Variants in GRAMD1B observed in about 807,000 individuals in gnomAD.
The protein encoded by GRAMD1B is GRAM domain containing 1B.
In GRAMD1B, 37 loss-of-function variants were observed where a neutral mutation model predicts 99.7. The observed-to-expected ratio is 0.37, with a 90% confidence interval of 0.29 to 0.49. The LOEUF is 0.49. Ranked by LOEUF, GRAMD1B falls within the 20% of genes least tolerant of loss-of-function variation. The pLI is 0.98. For synonymous variants in GRAMD1B, 427 were observed against 387.6 expected (o/e 1.10, Z -1.19); for missense variants, 888 against 1,009.2 (o/e 0.88, Z 1.63).
chr11:123,455,891 C>T (rs1173953159), intron 1 of GRAMD1B, among the ~76,000 whole-genome samples: 3 of 152,046 alleles, frequency 2.0e-5, no homozygotes, highest in Non-Finnish European at 2.9e-5. Flanking sequence ...TCAACCAGGC[C>T]GGGTGGGGTG....
At chr11:123,516,598 A>G (rs960505659) in intron 2 of GRAMD1B, among the ~76,000 whole-genome samples, 2 of 152,210 alleles carry the variant, frequency 1.3e-5, no homozygotes, top group African/African-American at 2.4e-5. Flanking sequence ...AGACCAGACT[A>G]ATCAAGAAAT....
chr11:123,418,829 C>T (rs771303744), intron 1 of GRAMD1B, among the ~76,000 whole-genome samples: 3 of 152,170 alleles, frequency 2.0e-5, no homozygotes, highest in Non-Finnish European at 2.9e-5. Flanking sequence ...CCTTGTCCTC[C>T]CCTGTCCCTC....
chr11:123,566,896 C>T (rs1185429469), intron 2 of GRAMD1B, among the ~76,000 whole-genome samples: 4 of 152,194 alleles, frequency 2.6e-5, no homozygotes, highest in South Asian at 2.1e-4. Flanking sequence ...GGCCCCAGCC[C>T]CCATGGAGTG....
chr11:123,574,699 G>A (rs1440584315), intron 2 of GRAMD1B, among the ~76,000 whole-genome samples: 3 of 152,138 alleles, frequency 2.0e-5, no homozygotes, highest in Non-Finnish European at 2.9e-5. Flanking sequence ...GTTCAGTGTG[G>A]GGCACTCATG....
chr11:123,476,701 T>C (rs1852201663), intron 1 of GRAMD1B, among the ~76,000 whole-genome samples: 1 of 152,254 alleles, frequency 6.6e-6, no homozygotes, highest in Admixed American at 6.5e-5. Context: ...AGAGACCTTG[T>C]CCTGATCATC....
chr11:123,410,597 T>C (rs1198693970), intron 1 of GRAMD1B, among the ~76,000 whole-genome samples: 2 of 152,122 alleles, frequency 1.3e-5, no homozygotes, highest in African/African-American at 4.8e-5. Flanking sequence ...CACCCGCCAG[T>C]AGCACCTGCA....
intron 1 of GRAMD1B, among the ~76,000 whole-genome samples, chr11:123,391,159 A>G (rs1257949125): frequency 6.6e-6 from 1 of 152,172 alleles, no homozygotes; most frequent in Non-Finnish European, 1.5e-5. Context: ...CCTCAAGCCC[A>G]TAATCCCGCC....
chr11:123,585,408 C>T (rs947539774), intron 4 of GRAMD1B, among the ~76,000 whole-genome samples: 4 of 152,208 alleles, frequency 2.6e-5, no homozygotes, highest in African/African-American at 7.2e-5. Flanking sequence ...CTGCCAACAT[C>T]CTGCTGCCCA....
chr11:123,598,682 A>G, intron 7 of GRAMD1B: 3 of 1,046,932 alleles, frequency 2.9e-6, no homozygotes, highest in Middle Eastern at 2.3e-4. Flanking sequence ...CCAAACCCAG[A>G]GAGGCCAACT....
chr11:123,545,622 A>G (rs1336415877), intron 2 of GRAMD1B, among the ~76,000 whole-genome samples: 1 of 152,206 alleles, frequency 6.6e-6, no homozygotes, highest in Non-Finnish European at 1.5e-5. Flanking sequence ...CACCTCTAAA[A>G]TAGGCTTATG....
chr11:123,415,091 C>CTTT (rs1948184246), intron 1 of GRAMD1B, among the ~76,000 whole-genome samples: 1 of 96,558 alleles, frequency 1.0e-5, no homozygotes, highest in South Asian at 3.5e-4. Context: ...TTTTCTTTTT[C>CTTT]TTTCTTTTTT....
chr11:123,417,762 C>A (rs763296223), intron 1 of GRAMD1B, among the ~76,000 whole-genome samples: 1 of 151,980 alleles, frequency 6.6e-6, no homozygotes, highest in African/African-American at 2.4e-5. Flanking sequence ...CATGGAGAAA[C>A]CCTGTCTGCA....
At chr11:123,596,757 A>T (rs1473697438) in intron 7 of GRAMD1B, among the ~76,000 whole-genome samples, 3 of 152,240 alleles carry the variant, frequency 2.0e-5, no homozygotes, top group African/African-American at 7.2e-5. Flanking sequence ...ATTAAAAAAC[A>T]ATTGAAGGCC....
At chr11:123,388,732 G>A (rs73023747) in intron 1 of GRAMD1B, among the ~76,000 whole-genome samples, 65 of 151,696 alleles carry the variant, frequency 4.3e-4, no homozygotes, top group Non-Finnish European at 7.6e-4. Context: ...AGGTCAGAGG[G>A]AGCTTTTTTG....
intron 1 of GRAMD1B, among the ~76,000 whole-genome samples, chr11:123,442,404 G>C (rs1949450673): frequency 1.3e-5 from 2 of 152,226 alleles, no homozygotes. Flanking sequence ...CCCAAAGAGA[G>C]TGTTCTTGGA....
Position 123,623,010 on chromosome 11 carries a change from C to T in GRAMD1B, c.*415C>T, listed in dbSNP as rs952797907. On this transcript the variant is annotated 3_prime_UTR_variant, in exon 20 of 20. Coordinates refer to ENST00000635736, the MANE Select transcript of GRAMD1B (RefSeq NM_001387025.1). ...GCTTAAGGTGCTTCATTCCCTAATC[C>T]CCTTTTGATTTGTTTCCAAAATAAA... is the stretch of plus-strand genomic sequence containing the variant. 3.9e-5 allele frequency: 6 copies of T among 152,166 alleles called. No individual in the cohort carries two copies. Among genetic ancestry groups the T allele is most frequent in the African/African-American group, 1.4e-4 (6 of 41,426 alleles). 9.4% of individuals were successfully genotyped at this position (152,166 alleles called of 1,614,324 possible).
At position 123,627,347 on chromosome 11, in the gene GRAMD1B, A is replaced by G. The variant is rs962020132; in HGVS notation, c.*4752A>G. On this transcript the variant is annotated 3_prime_UTR_variant, in exon 20 of 20. Transcript: ENST00000635736. The stretch of plus-strand genomic sequence containing the variant: ...CCAACAATAGCTTGTGGCTCCCCAC[A>G]TTTTCCTACCCTGCACTCAAGGGCC... 1.3e-5 allele frequency: 2 copies of G among 152,190 alleles called. No homozygotes were observed. The highest frequency in any genetic ancestry group is 2.9e-5 in the Non-Finnish European group (2 of 68,054). 9.4% of individuals were successfully genotyped at this position (152,190 alleles called of 1,614,324 possible). A position where few individuals can be genotyped will look rare whatever the true frequency, so the allele number is the denominator to read the frequency against.
chr11:123,411,607 T>C (rs2714062), intron 1 of GRAMD1B, among the ~76,000 whole-genome samples: 57,971 of 151,984 alleles, frequency 0.38, 13,295 homozygotes, highest in African/African-American at 0.66. Flanking sequence ...ACTTGCACAT[T>C]CCTGATTTTT....
At chr11:123,447,558 G>A (rs577868417) in intron 1 of GRAMD1B, among the ~76,000 whole-genome samples, 2 of 152,322 alleles carry the variant, frequency 1.3e-5, no homozygotes, top group South Asian at 4.1e-4. Context: ...GACAGGCTGA[G>A]GCAGCATGGG....
Sources: allele counts gnomAD v4.1 joint callset (sites outside exome capture counted in the v4.1 genomes callset), GRCh38; gene constraint gnomAD v4.1.1; transcripts MANE v1.5; gene names NCBI Gene and HGNC (gene_info 2026-07-23, HGNC 2026-07-21).